The following OR51M1 variants were observed in gnomAD, a reference collection of about 807,000 sequenced individuals.
The protein encoded by OR51M1 is olfactory receptor family 51 subfamily M member 1.
For synonymous variants in OR51M1, 199 were observed against 155.1 expected (o/e 1.28, Z -2.10); for missense variants, 509 against 404.4 (o/e 1.26, Z -2.22).
At chr11:5,385,811 A>G (rs183322782) in intron 2 of OR51M1, among the ~76,000 whole-genome samples, 146 of 149,052 alleles carry the variant, frequency 9.8e-4, no homozygotes, top group African/African-American at 3.5e-3. Flanking sequence ...TAAAAAATCT[A>G]TAAAGTATAT....
rs1466177909 is a variant in OR51M1, at chr11:5,392,093, A to C, written c.*1714A>C. The stretch of plus-strand genomic sequence containing the variant: ...AAAAGGAAAACAAACAAAATTACAA[A>C]GCGAAATTTAAAAAAGAACCAAACT... On this transcript the variant is annotated 3_prime_UTR_variant, in exon 3 of 3. Coordinates refer to ENST00000642046, the MANE Select transcript of OR51M1 (RefSeq NM_001004756.3). 2.0e-5 allele frequency: 3 copies of C among 152,144 alleles called. No homozygotes were observed. The East Asian group carries it at 5.8e-4, about 29-fold the overall frequency. 9.4% of individuals were successfully genotyped at this position (152,144 alleles called of 1,614,324 possible).
chr11:5,384,304 C>T (rs2736537), intron 1 of OR51M1, among the ~76,000 whole-genome samples: 27,470 of 152,050 alleles, frequency 0.18, 2,778 homozygotes, highest in East Asian at 0.38. Context: ...TCCAAGTTGC[C>T]AGGATTATAA....
intron 2 of OR51M1, 57 bp from the exon 3 acceptor site, chr11:5,389,324 ATGT>A: frequency 1.5e-6 from 2 of 1,377,810 alleles, no homozygotes; most frequent in Middle Eastern, 1.8e-4. Context: ...ACTGCTTGTG[ATGT>A]TGTGAATGTT....
intron 2 of OR51M1, among the ~76,000 whole-genome samples, chr11:5,386,589 T>G (rs7113291): frequency 0.18 from 27,576 of 151,998 alleles, 2,666 homozygotes; most frequent in African/African-American, 0.26. Context: ...GCTACTGAAG[T>G]ACTGAAAACA....
chr11:5,387,589 T>C (rs1849718036), intron 2 of OR51M1, among the ~76,000 whole-genome samples: 1 of 152,202 alleles, frequency 6.6e-6, no homozygotes, highest in Non-Finnish European at 1.5e-5. Context: ...TGACGTAGCA[T>C]TTAGCTGCTA....
At position 5,383,853 on chromosome 11, in the gene OR51M1, T is replaced by TCTA. The variant is rs1849645321; in HGVS notation, c.-185_-183dup. On this transcript the variant is annotated 5_prime_UTR_variant, in exon 1 of 3. Transcript: ENST00000642046. ...CTCAGTGACCCTTGTGTCATCCTTATCTATACTCTTCTTTCTTCCTTTGGA... is the reference window on the plus strand; with the variant it reads ...CTCAGTGACCCTTGTGTCATCCTTATCTACTATACTCTTCTTTCTTCCTTTGGA... 1 of 152,258 alleles carries TCTA rather than the reference T, an allele frequency of 6.6e-6. No individual in the cohort carries two copies. Among genetic ancestry groups the TCTA allele is most frequent in the Non-Finnish European group, 1.5e-5 (1 of 68,086 alleles). 9.4% of individuals were successfully genotyped at this position (152,258 alleles called of 1,614,324 possible).
Position 5,392,930 on chromosome 11 carries a change from A to G in OR51M1, c.*2551A>G, listed in dbSNP as rs1367218310. ...CCTTCTCAAAAACAAAAAAAAAGAAAAATAAATAAATATCTGTGCTGTTAA... is the reference window on the plus strand; with the variant it reads ...CCTTCTCAAAAACAAAAAAAAAGAAGAATAAATAAATATCTGTGCTGTTAA... On this transcript the variant is annotated 3_prime_UTR_variant, in exon 3 of 3. Coordinates refer to ENST00000642046, the MANE Select transcript of OR51M1 (RefSeq NM_001004756.3). 5.4e-5 allele frequency: 3 copies of G among 55,710 alleles called. No individual in the cohort carries two copies. In the East Asian group the frequency reaches 8.0e-4, roughly 15 times the overall value. The allele number at this position is 55,710 out of a possible 1,614,324, so 3.5% of individuals were successfully genotyped here.
chr11:5,390,310 C>T lies in OR51M1; in HGVS notation c.912C>T (p.Tyr304=), dbSNP rs1334251852. The change falls in exon 3 of 3, where the codon TAC becomes TAT. Residue 304 remains tyrosine (Y), a synonymous_variant. Coordinates refer to ENST00000642046, the MANE Select transcript of OR51M1 (RefSeq NM_001004756.3). ...CTCCCATGCTTAACCCAATCATATA[C>T]AGCATTAAGACCAAGGAGATCCACC... The part of the protein sequence containing the change: ...FVPPMLNPII[Y]SIKTKEIHRA... 12 of 1,613,430 alleles carry T rather than the reference C, an allele frequency of 7.4e-6. No individual in the cohort carries two copies. The highest frequency in any genetic ancestry group is 1.1e-5 in the South Asian group (1 of 91,018).
At chr11:5,387,267 C>G (rs1299652489) in intron 2 of OR51M1, among the ~76,000 whole-genome samples, 1 of 151,988 alleles carries the variant, frequency 6.6e-6, no homozygotes, top group Non-Finnish European at 1.5e-5. Flanking sequence ...GGCCAGAGCA[C>G]ACAACTATTG....
chr11:5,384,498 G>A (rs1849655004), intron 1 of OR51M1, among the ~76,000 whole-genome samples: 1 of 152,192 alleles, frequency 6.6e-6, no homozygotes. Flanking sequence ...CTCATCTGCA[G>A]TATTCTGTTA....
At chr11:5,387,804 A>G (rs1032267044) in intron 2 of OR51M1, among the ~76,000 whole-genome samples, 3 of 152,156 alleles carry the variant, frequency 2.0e-5, no homozygotes, top group African/African-American at 7.2e-5. Context: ...CTACTCAGAG[A>G]GGTCTTCTCT....
Position 5,389,384 on chromosome 11 carries a change from C to G in OR51M1, c.-15C>G, listed in dbSNP as rs1405289215. 1 of 1,606,956 alleles carries G rather than the reference C, an allele frequency of 6.2e-7. No individual in the cohort carries two copies. Among genetic ancestry groups the G allele is most frequent in the Non-Finnish European group, 8.5e-7 (1 of 1,175,212 alleles). On this transcript the variant is annotated splice_region_variant and 5_prime_UTR_variant, in exon 3 of 3. Transcript: ENST00000642046. The stretch of plus-strand genomic sequence containing the variant: ...ACCAGAAATATCCATTTATTTTCAG[C>G]TCAATCCCCGAGGAATGTCAGTCCA...
At chr11:5,384,098 A>T (rs1489360472) in intron 1 of OR51M1, among the ~76,000 whole-genome samples, 181 bp downstream of exon 1, 1 of 152,228 alleles carries the variant, frequency 6.6e-6, no homozygotes, top group Non-Finnish European at 1.5e-5. Flanking sequence ...GAATGTCCTT[A>T]GCCAAATGGA....
At chr11:5,387,383 TA>T (rs747253491) in intron 2 of OR51M1, among the ~76,000 whole-genome samples, 1 of 151,896 alleles carries the variant, frequency 6.6e-6, no homozygotes, top group Non-Finnish European at 1.5e-5. Flanking sequence ...AAGTGGGTTT[TA>T]AAAAAAACAT....
rs375607959 is a variant in OR51M1, at chr11:5,389,818, C to A, written c.420C>A (p.His140Gln). 1.2e-6 allele frequency: 2 copies of A among 1,613,848 alleles called. No homozygotes were observed. Among genetic ancestry groups the A allele is most frequent in the African/African-American group, 1.3e-5 (1 of 74,932 alleles). The change falls in exon 3 of 3, where the codon CAC becomes CAA. Residue 140 changes from histidine (H) to glutamine (Q), a missense_variant. Physicochemically the swap from His to Gln is conservative, Grantham distance 24. Transcript: ENST00000642046. ...TTGACCGCCTTGTGGCCATCTGCCA[C>A]CCTCTGAGGTATTCGGTCATTATCA... The part of the protein sequence containing the change: ...MSFDRLVAIC[H>Q]PLRYSVIITG...
intron 2 of OR51M1, among the ~76,000 whole-genome samples, chr11:5,387,296 A>G (rs1170900024): frequency 6.6e-6 from 1 of 152,148 alleles, no homozygotes; most frequent in Non-Finnish European, 1.5e-5. Context: ...AATCAATAAA[A>G]GCAGGTATGA....
At chr11:5,385,150 A>G (rs1589967094) in intron 1 of OR51M1, among the ~76,000 whole-genome samples, 2 of 152,212 alleles carry the variant, frequency 1.3e-5, no homozygotes, top group African/African-American at 4.8e-5. Flanking sequence ...TGCCTTGAAT[A>G]TTTTAATTAT....
intron 2 of OR51M1, among the ~76,000 whole-genome samples, chr11:5,388,577 T>G (rs2736534): frequency 1.4e-5 from 2 of 147,244 alleles, no homozygotes; most frequent in Non-Finnish European, 3.0e-5. Flanking sequence ...AAGAATTGTT[T>G]AGTGTCATTA....
rs376832861 is a variant in OR51M1 at position 5,392,145 on chromosome 11, G to C, written c.*1766G>C. 5 of 152,164 alleles carry C rather than the reference G, an allele frequency of 3.3e-5. No homozygotes were observed. Among genetic ancestry groups the C allele is most frequent in the African/African-American group, 1.2e-4 (5 of 41,428 alleles). The allele number at this position is 152,164 out of a possible 1,614,324, so 9.4% of individuals were successfully genotyped here. A position where few individuals can be genotyped will look rare whatever the true frequency, so the allele number is the denominator to read the frequency against. On this transcript the variant is annotated 3_prime_UTR_variant, in exon 3 of 3. Transcript: ENST00000642046. ...TAAAAATATGTATGTATGTTTGTGC[G>C]GTTTCTTGTGTATGTTTGTGTGGTA...
Sources: gnomAD v4.1 joint callset for allele counts (sites outside exome capture counted in the v4.1 genomes callset) on GRCh38, gnomAD v4.1.1 for gene constraint, MANE v1.5 for transcripts, NCBI Gene and HGNC (gene_info 2026-07-23, HGNC 2026-07-21) for gene names.